Variants in MAF observed in about 807,000 individuals in gnomAD.
The protein encoded by MAF is transcription factor Maf.
A neutral mutation model predicts 22.0 loss-of-function variants in MAF; 10 were observed. That is an observed-to-expected ratio of 0.45 (90% CI 0.28 to 0.77). The LOEUF is 0.77. Ranked by LOEUF, MAF falls within the 30% of genes least tolerant of loss-of-function variation. MAF has a pLI of 0.12. For missense variants in MAF, 544 were observed against 548.4 expected (o/e 0.99, Z 0.08); for synonymous variants, 337 against 255.8 (o/e 1.32, Z -3.03).
chr16:79,289,668 G>A, the MAF span, among the ~76,000 whole-genome samples: 3 of 152,032 alleles, frequency 2.0e-5, no homozygotes, highest in Non-Finnish European at 4.4e-5. Context: ...CCTGAATGGG[G>A]CACTTGTTGA....
the MAF span, among the ~76,000 whole-genome samples, chr16:79,278,371 C>T: frequency 6.6e-6 from 1 of 152,230 alleles, no homozygotes; most frequent in Admixed American, 6.5e-5. Context: ...TGCCATCTTT[C>T]TTCTGGAAGC....
At chr16:79,518,101 A>G in the MAF span, among the ~76,000 whole-genome samples, 2 of 152,218 alleles carry the variant, frequency 1.3e-5, no homozygotes, top group African/African-American at 2.4e-5. Flanking sequence ...AGTTTATTAC[A>G]TTCTCTCAAC....
chr16:79,502,271 T>C, the MAF span, among the ~76,000 whole-genome samples: 3,779 of 152,228 alleles, frequency 0.025, 283 homozygotes, highest in Admixed American at 0.14. Context: ...AGGTTACCCA[T>C]GGCTAAAATA....
the MAF span, among the ~76,000 whole-genome samples, chr16:79,244,133 G>T: frequency 2.0e-5 from 3 of 152,010 alleles, no homozygotes; most frequent in African/African-American, 7.2e-5. Flanking sequence ...AAAACTGGAA[G>T]CATGTCTTTT....
chr16:79,421,790 TC>T, the MAF span, among the ~76,000 whole-genome samples: 1 of 152,086 alleles, frequency 6.6e-6, no homozygotes, highest in Non-Finnish European at 1.5e-5. Flanking sequence ...TTTGTTTTTT[TC>T]TTTTGAGACA....
chr16:79,547,926 G>GAGAT, the MAF span, among the ~76,000 whole-genome samples: 1 of 151,220 alleles, frequency 6.6e-6, no homozygotes, highest in Non-Finnish European at 1.5e-5. Context: ...GAGATAGAGA[G>GAGAT]AGAGAGAGAG....
the MAF span, among the ~76,000 whole-genome samples, chr16:79,420,356 C>G: frequency 3.3e-5 from 5 of 152,206 alleles, no homozygotes; most frequent in African/African-American, 1.2e-4. Context: ...AACGCGTGAA[C>G]ACAGTCACGT....
the MAF span, among the ~76,000 whole-genome samples, chr16:79,565,160 A>C: frequency 3.3e-5 from 5 of 152,182 alleles, no homozygotes; most frequent in East Asian, 9.6e-4. Flanking sequence ...CCAAAGACCC[A>C]AAATACCCAG....
At chr16:79,448,344 T>A in the MAF span, among the ~76,000 whole-genome samples, 2 of 152,062 alleles carry the variant, frequency 1.3e-5, no homozygotes, top group Non-Finnish European at 2.9e-5. Context: ...CAAAAAAGAT[T>A]GTGACTTTCT....
At chr16:79,217,726 C>A in the MAF span, among the ~76,000 whole-genome samples, 1 of 152,068 alleles carries the variant, frequency 6.6e-6, no homozygotes, top group African/African-American at 2.4e-5. Flanking sequence ...TGGCCAGTTT[C>A]CACTTTCACA....
chr16:79,250,415 G>T, the MAF span, among the ~76,000 whole-genome samples: 1 of 152,230 alleles, frequency 6.6e-6, no homozygotes, highest in African/African-American at 2.4e-5. Context: ...AGACTGCGGA[G>T]AGGTCATCTC....
At chr16:79,375,016 G>A in the MAF span, among the ~76,000 whole-genome samples, 1 of 152,122 alleles carries the variant, frequency 6.6e-6, no homozygotes, top group Non-Finnish European at 1.5e-5. Context: ...TCTATGGCCA[G>A]GATTATCTTC....
chr16:79,475,990 G>A, the MAF span, among the ~76,000 whole-genome samples: 1 of 152,192 alleles, frequency 6.6e-6, no homozygotes, highest in Non-Finnish European at 1.5e-5. Flanking sequence ...ATGTAATCAA[G>A]GTCCCTAATC....
At chr16:79,207,698 A>T in the MAF span, among the ~76,000 whole-genome samples, 1 of 152,190 alleles carries the variant, frequency 6.6e-6, no homozygotes, top group Admixed American at 6.5e-5. Flanking sequence ...AAATAGAAAA[A>T]CCTGAAAGCA....
chr16:79,329,674 G>A, the MAF span, among the ~76,000 whole-genome samples: 1 of 152,096 alleles, frequency 6.6e-6, no homozygotes, highest in Non-Finnish European at 1.5e-5. Flanking sequence ...CTCCCACACT[G>A]TGTTAGGAAT....
At chr16:79,220,784 T>C in the MAF span, among the ~76,000 whole-genome samples, 1 of 152,202 alleles carries the variant, frequency 6.6e-6, no homozygotes, top group African/African-American at 2.4e-5. Flanking sequence ...CCTACACAGA[T>C]GGCTTTTATC....
At chr16:79,215,131 G>A in the MAF span, among the ~76,000 whole-genome samples, 1 of 152,170 alleles carries the variant, frequency 6.6e-6, no homozygotes, top group Non-Finnish European at 1.5e-5. Context: ...CTCATAAATT[G>A]ATAGAGCTGC....
chr16:79,214,618 G>A, the MAF span, among the ~76,000 whole-genome samples: 4 of 150,944 alleles, frequency 2.6e-5, no homozygotes, highest in African/African-American at 9.8e-5. Flanking sequence ...TGTTGGCCAG[G>A]CTGGTCTTGA....
chr16:79,420,985 G>T, the MAF span, among the ~76,000 whole-genome samples: 1 of 151,344 alleles, frequency 6.6e-6, no homozygotes, highest in Non-Finnish European at 1.5e-5. Flanking sequence ...AGTGAGCTGA[G>T]ATCGCACCAC....
Sources: allele counts gnomAD v4.1 joint callset (sites outside exome capture counted in the v4.1 genomes callset), GRCh38; gene constraint gnomAD v4.1.1; transcripts MANE v1.5; gene names NCBI Gene and HGNC (gene_info 2026-07-23, HGNC 2026-07-21).